The following ZEB1 variants were observed in gnomAD, a reference collection of about 807,000 sequenced individuals.
ZEB1 encodes zinc finger E-box-binding homeobox 1.
Under a neutral mutation model 84.9 loss-of-function variants are expected in ZEB1, and 21 were observed. The ratio of observed to expected loss-of-function variants is 0.25; its 90% CI spans 0.18 to 0.36. The LOEUF is 0.36. Among genes scored for constraint, ZEB1 ranks in the 10% least tolerant of loss-of-function variants. The pLI is 1.00. For synonymous variants in ZEB1, 420 were observed against 471.1 expected (o/e 0.89, Z 1.41); for missense variants, 1,104 against 1,330.2 (o/e 0.83, Z 2.65).
intron 1 of ZEB1, among the ~76,000 whole-genome samples, chr10:31,367,980 TAGAC>T (rs1045124265): frequency 6.6e-6 from 1 of 151,328 alleles, no homozygotes; most frequent in Non-Finnish European, 1.5e-5. Flanking sequence ...CACACACACA[TAGAC>T]ATACACACGT....
chr10:31,507,901 T>TGAA (rs1457284604), intron 4 of ZEB1, among the ~76,000 whole-genome samples: 1 of 152,148 alleles, frequency 6.6e-6, no homozygotes, highest in African/African-American at 2.4e-5. Context: ...TCCTTTTTCA[T>TGAA]GTTTCTTGTA....
At chr10:31,442,992 G>C (rs1019805146) in intron 1 of ZEB1, among the ~76,000 whole-genome samples, 5 of 152,148 alleles carry the variant, frequency 3.3e-5, no homozygotes, top group African/African-American at 1.2e-4. Context: ...CTGAGATATA[G>C]AATTAGGAGT....
chr10:31,527,040 C>T lies in ZEB1; in HGVS notation c.3154C>T (p.Gln1052Ter). The T allele has an allele frequency of 6.3e-7, 1 of 1,583,028 alleles. No individual in the cohort carries two copies. Among genetic ancestry groups the T allele is most frequent in the Non-Finnish European group, 8.6e-7 (1 of 1,162,288 alleles). Residue 1052 changes from glutamine (Q) to a stop codon, truncating the protein, a stop_gained, in exon 9 of 9, where the codon CAG becomes TAG. Coordinates refer to ENST00000424869, the MANE Select transcript of ZEB1 (RefSeq NM_001174096.2). LOFTEE classifies it low-confidence loss of function (END_TRUNC). ...EEEDKEMEEL[Q>*]EEKECEKPQG... Reference sequence around the variant, plus strand: ...GGAGGATAAAGAGATGGAAGAATTGCAGGAAGAAAAAGAATGTGAAAAACC... The same window carrying T: ...GGAGGATAAAGAGATGGAAGAATTGTAGGAAGAAAAAGAATGTGAAAAACC...
In ZEB1 at chr10:31,446,657, C is replaced by CAAAT. The variant is rs1163486701; in HGVS notation, c.59-14379_59-14378insAATA. 2.6e-5 allele frequency among the ~76,000 whole-genome samples: 4 copies of CAAAT among 152,192 alleles called. 1 individual carries two copies. The highest frequency in any genetic ancestry group is 2.0e-4 in the Admixed American group (3 of 15,282). On this transcript the variant is annotated intron_variant, in intron 1 of 8. Coordinates refer to ENST00000424869, the MANE Select transcript of ZEB1 (RefSeq NM_001174096.2). ...CAAAGAATATCTTTATTTCTGCCTT[C>CAAAT]ATTTCGTTAGGTACCCAGTAGTCAT...
intron 1 of ZEB1, among the ~76,000 whole-genome samples, chr10:31,348,666 T>C (rs2040775220): frequency 6.6e-6 from 1 of 152,152 alleles, no homozygotes; most frequent in South Asian, 2.1e-4. Context: ...AAATAGAAAA[T>C]GAAAGTGTAA....
chr10:31,363,805 G>A (rs186189754), intron 1 of ZEB1: 264 of 1,329,750 alleles, frequency 2.0e-4, no homozygotes, highest in Non-Finnish European at 2.2e-5. Flanking sequence ...CGTGTTCCGA[G>A]GGATAAGACA....
chr10:31,411,571 G>T (rs2054274015), intron 1 of ZEB1, among the ~76,000 whole-genome samples: 1 of 148,548 alleles, frequency 6.7e-6, no homozygotes, highest in African/African-American at 2.5e-5. Flanking sequence ...AGCGGAGCTT[G>T]CAGTGAGCCG....
intron 1 of ZEB1, among the ~76,000 whole-genome samples, chr10:31,440,408 A>C (rs1393129337): frequency 6.6e-6 from 1 of 152,200 alleles, no homozygotes; most frequent in African/African-American, 2.4e-5. Context: ...GACGTATCTC[A>C]AAATAATAAG....
chr10:31,477,849 T>C (rs1454572756), intron 2 of ZEB1, among the ~76,000 whole-genome samples: 2 of 151,816 alleles, frequency 1.3e-5, no homozygotes, highest in Non-Finnish European at 2.9e-5. Context: ...CTCATCATAT[T>C]AAAAAATTAA....
Position 31,461,070 on chromosome 10 carries a change from C to A in ZEB1, c.92C>A (p.Ser31Ter). 6.2e-7 allele frequency: 1 copy of A among 1,613,056 alleles called. No individual in the cohort carries two copies. Among genetic ancestry groups the A allele is most frequent in the South Asian group, 1.1e-5 (1 of 91,018 alleles). Residue 31 changes from serine to a stop codon, truncating the protein, a stop_gained, in exon 2 of 9, where the codon TCA becomes TAA. Coordinates refer to ENST00000424869, the MANE Select transcript of ZEB1 (RefSeq NM_001174096.2). LOFTEE classifies it high-confidence loss of function. ...TATAATACTGTGGTAGAAACAAATT[C>A]AGATTCAGATGATGAAGACAAACTG... The part of the protein sequence containing the change: ...TNYNTVVETN[S>*]DSDDEDKLHI...
At chr10:31,463,832 A>G (rs908306102) in intron 2 of ZEB1, among the ~76,000 whole-genome samples, 2 of 152,220 alleles carry the variant, frequency 1.3e-5, no homozygotes, top group Admixed American at 6.5e-5. Context: ...GGAGAAATAT[A>G]CCTTCATCCT....
intron 1 of ZEB1, among the ~76,000 whole-genome samples, chr10:31,454,630 G>A (rs941945909): frequency 4.6e-5 from 7 of 151,332 alleles, no homozygotes; most frequent in Non-Finnish European, 1.0e-4. Flanking sequence ...CAATAACAGA[G>A]AACCAAATCA....
chr10:31,427,311 T>C (rs1189487622), intron 1 of ZEB1, among the ~76,000 whole-genome samples: 2 of 152,168 alleles, frequency 1.3e-5, no homozygotes, highest in Admixed American at 1.3e-4. Context: ...CTAATTGCCA[T>C]ATTCTTAGCC....
chr10:31,379,721 A>G (rs2047304694), intron 1 of ZEB1, among the ~76,000 whole-genome samples: 1 of 152,030 alleles, frequency 6.6e-6, no homozygotes, highest in Non-Finnish European at 1.5e-5. Context: ...ATTAAAAAAA[A>G]AAAACCTTAG....
intron 8 of ZEB1, 88 bp downstream of exon 8, chr10:31,524,201 T>TA: frequency 1.4e-5 from 19 of 1,390,810 alleles, no homozygotes; most frequent in Non-Finnish European, 1.7e-5. Flanking sequence ...GAATTTTCTT[T>TA]CTTTTTTTTT....
At chr10:31,329,714 A>G (rs1406774942) in intron 1 of ZEB1, among the ~76,000 whole-genome samples, 1 of 152,056 alleles carries the variant, frequency 6.6e-6, no homozygotes, top group African/African-American at 2.4e-5. Flanking sequence ...CTTGCAAACA[A>G]TTGTCCATGT....
intron 1 of ZEB1, among the ~76,000 whole-genome samples, chr10:31,374,124 A>G (rs1301447046): frequency 6.6e-6 from 1 of 151,880 alleles, no homozygotes; most frequent in African/African-American, 2.4e-5. Flanking sequence ...GTAATGGCTG[A>G]TGAAGATTAG....
chr10:31,374,024 G>A (rs867188871), intron 1 of ZEB1, among the ~76,000 whole-genome samples: 1 of 151,742 alleles, frequency 6.6e-6, no homozygotes, highest in African/African-American at 2.4e-5. Flanking sequence ...AGTGGAGGTA[G>A]GATCTTAGCA....
intron 1 of ZEB1, among the ~76,000 whole-genome samples, chr10:31,334,085 A>G (rs970612755): frequency 3.9e-5 from 6 of 152,206 alleles, no homozygotes; most frequent in African/African-American, 1.2e-4. Context: ...TATCATTATT[A>G]TAGCTTATTT....
Sources: allele counts gnomAD v4.1 joint callset (sites outside exome capture counted in the v4.1 genomes callset), GRCh38; gene constraint gnomAD v4.1.1; transcripts MANE v1.5; gene names NCBI Gene and HGNC (gene_info 2026-07-23, HGNC 2026-07-21).